MORC1: variants seen among roughly 807,000 people sequenced by gnomAD.
The protein encoded by MORC1 is MORC family CW-type zinc finger protein 1.
In MORC1, 59 loss-of-function variants were observed where a neutral mutation model predicts 134.9. The ratio of observed to expected loss-of-function variants is 0.44; its 90% CI spans 0.35 to 0.54. The LOEUF (loss-of-function observed/expected upper bound fraction) is 0.54. MORC1 is among the 20% of genes least tolerant of loss of function. The pLI is 0.00. For synonymous variants in MORC1, 395 were observed against 391.7 expected, an observed-to-expected ratio of 1.01 and a Z score of -0.10; for missense variants, 947 against 1,134.5, an observed-to-expected ratio of 0.83 and a Z score of 2.37.
At chr3:109,111,545 T>C (rs971376357) in intron 2 of MORC1, among the ~76,000 whole-genome samples, 1 of 152,222 alleles carries the variant, frequency 6.6e-6, no homozygotes, top group Non-Finnish European at 1.5e-5. Flanking sequence ...TTGTATTTTT[T>C]TACAATTATT....
intron 10 of MORC1, 143 bp from the exon 11 acceptor site, chr3:109,062,201 T>G: frequency 2.9e-6 from 2 of 689,388 alleles, no homozygotes; most frequent in South Asian, 3.7e-5. Flanking sequence ...TCTTATAACT[T>G]TTACACATGT....
chr3:108,972,895 A>G (rs1008090117), intron 24 of MORC1, among the ~76,000 whole-genome samples: 3 of 152,210 alleles, frequency 2.0e-5, no homozygotes, highest in African/African-American at 7.2e-5. Flanking sequence ...AGACAAATAA[A>G]TATTAGATGG....
intron 24 of MORC1, among the ~76,000 whole-genome samples, chr3:108,975,669 T>G (rs755581555): frequency 7.2e-5 from 11 of 152,188 alleles, no homozygotes; most frequent in Non-Finnish European, 1.5e-4. Context: ...AATATCTATT[T>G]ATAGGATTGT....
At chr3:109,099,601 G>C (rs1005619479) in intron 5 of MORC1, 135 bp from the exon 6 acceptor site, 4 of 611,962 alleles carry the variant, frequency 6.5e-6, no homozygotes, top group Middle Eastern at 4.5e-4. Context: ...TCATCAAGAG[G>C]GTACAATTTT....
At chr3:109,054,983 T>G in intron 13 of MORC1, 101 bp from the exon 14 acceptor site, 2 of 1,095,010 alleles carry the variant, frequency 1.8e-6, no homozygotes, top group Non-Finnish European at 2.6e-6. Flanking sequence ...CAAAAATAAA[T>G]TCATTCTGTT....
chr3:109,035,493 G>GAATAAAAAAAAAAAAGCAGGCAAAT (rs1292853184), intron 14 of MORC1, 25 bp from the exon 15 acceptor site: 9 of 1,342,164 alleles, frequency 6.7e-6, no homozygotes, highest in Non-Finnish European at 9.0e-6. Context: ...AGCAGGCAAA[G>GAATAAAAAAAAAAAAGCAGGCAAAT]AATAACAAAA....
At chr3:108,987,016 A>T in intron 21 of MORC1, 67 bp from the exon 22 acceptor site, 1 of 1,242,032 alleles carries the variant, frequency 8.1e-7, no homozygotes, top group South Asian at 1.8e-5. Flanking sequence ...TTGACAAAAG[A>T]CCTTGAAAAG....
At chr3:109,082,080 C>T (rs912093172) in intron 8 of MORC1, among the ~76,000 whole-genome samples, 5 of 152,030 alleles carry the variant, frequency 3.3e-5, no homozygotes, top group Admixed American at 6.6e-5. Flanking sequence ...TTCCACAGGT[C>T]CCTTGGGCAC....
At chr3:109,012,727 A>G (rs1456119551) in intron 17 of MORC1, among the ~76,000 whole-genome samples, 2 of 152,218 alleles carry the variant, frequency 1.3e-5, no homozygotes, top group Non-Finnish European at 2.9e-5. Context: ...AATATATAGA[A>G]AAAGTTAATT....
intron 17 of MORC1, among the ~76,000 whole-genome samples, 187 bp downstream of exon 17, chr3:109,027,564 A>ATTT (rs56210875): frequency 0.13 from 19,268 of 147,648 alleles, 1,341 homozygotes; most frequent in Non-Finnish European, 0.16. Context: ...CATATACAGT[A>ATTT]TTTTTTTTTT....
intron 13 of MORC1, among the ~76,000 whole-genome samples, chr3:109,055,926 A>G (rs1174451585): frequency 6.6e-6 from 1 of 152,232 alleles, no homozygotes; most frequent in Non-Finnish European, 1.5e-5. Flanking sequence ...TTAATTAGAC[A>G]GTCAAGGAAG....
At chr3:109,043,397 G>A (rs994417121) in intron 14 of MORC1, among the ~76,000 whole-genome samples, 3 of 152,174 alleles carry the variant, frequency 2.0e-5, no homozygotes, top group Admixed American at 1.3e-4. Flanking sequence ...GTGGTTGTCA[G>A]AGGATGGAAA....
chr3:109,034,542 T>C (rs1949327348), intron 15 of MORC1, among the ~76,000 whole-genome samples: 2 of 152,182 alleles, frequency 1.3e-5, no homozygotes, highest in African/African-American at 4.8e-5. Context: ...CCCAACCTAA[T>C]ACTTTTGTCT....
At chr3:109,099,496 T>A in intron 5 of MORC1, 30 bp from the exon 6 acceptor site, 1 of 1,521,294 alleles carries the variant, frequency 6.6e-7, no homozygotes, top group Non-Finnish European at 9.0e-7. Flanking sequence ...CATCATGTTT[T>A]ACACCTCAAA....
intron 21 of MORC1, among the ~76,000 whole-genome samples, chr3:108,995,628 G>A (rs1343180233): frequency 6.6e-6 from 1 of 152,178 alleles, no homozygotes; most frequent in South Asian, 2.1e-4. Flanking sequence ...CCAAGAAGAT[G>A]AGCCTCATGA....
intron 27 of MORC1, among the ~76,000 whole-genome samples, 176 bp from the exon 28 acceptor site, chr3:108,959,296 TAAC>T (rs1265666389): frequency 6.6e-6 from 1 of 152,230 alleles, no homozygotes; most frequent in Admixed American, 6.5e-5. Flanking sequence ...CATTTTATGC[TAAC>T]AAGCGGTTAG....
At chr3:108,963,187 CAA>C (rs34109895) in intron 27 of MORC1, among the ~76,000 whole-genome samples, 73 of 112,206 alleles carry the variant, frequency 6.5e-4, no homozygotes, top group Non-Finnish European at 5.6e-4. Flanking sequence ...GACTCCATCT[CAA>C]AAAAAAAAAA....
At position 108,963,510 on chromosome 3, in the gene MORC1, G is replaced by A; in HGVS notation, c.2703C>T (p.Ile901=). The A allele has an allele frequency of 6.2e-7, 1 of 1,609,818 alleles. No homozygotes were observed. The change falls in exon 27 of 28, where the codon ATC becomes ATT. Residue 901 remains isoleucine (I), a synonymous_variant. Coordinates refer to ENST00000232603, the MANE Select transcript of MORC1 (RefSeq NM_014429.4). The stretch of plus-strand genomic sequence containing the variant: ...TTTTATTTTCACATTGCCCCAGAGA[G>A]ATTTCATTATGTATTCCTCTTGTAT... The part of the protein sequence containing the change: ...DSNTRGIHNE[I]SLGQCENKRK...
In MORC1 at chr3:109,117,537, G is replaced by T. The variant is rs148890361; in HGVS notation, c.65+458C>A. Among the ~76,000 whole-genome samples the T allele has an allele frequency of 2.2e-4, 34 of 152,194 alleles. No homozygotes were observed. In the East Asian group the frequency reaches 6.6e-3, roughly 29 times the overall value. On this transcript the variant is annotated intron_variant, in intron 1 of 27. Coordinates refer to ENST00000232603, the MANE Select transcript of MORC1 (RefSeq NM_014429.4). ...ACAGGCATGGCAGAGAAGAAGAAAT[G>T]ACCAAATAACTAAAAGGTGAGATTC...
Sources: allele counts gnomAD v4.1 joint callset (sites outside exome capture counted in the v4.1 genomes callset), GRCh38; gene constraint gnomAD v4.1.1; transcripts MANE v1.5; gene names NCBI Gene and HGNC (gene_info 2026-07-23, HGNC 2026-07-21).